KIF21A: variants seen among roughly 807,000 people sequenced by gnomAD.
KIF21A encodes kinesin-like protein KIF21A.
Under a neutral mutation model 202.9 loss-of-function variants are expected in KIF21A, and 114 were observed. That is an observed-to-expected ratio of 0.56 (90% CI 0.48 to 0.66). The LOEUF is 0.66. KIF21A is among the 30% of genes least tolerant of loss of function. The pLI is 0.00. For missense variants in KIF21A, 1,677 were observed against 1,994.9 expected (o/e 0.84, Z 3.04); for synonymous variants, 667 against 670.8 (o/e 0.99, Z 0.09).
At chr12:39,423,551 T>TA (rs59669052) in intron 1 of KIF21A, among the ~76,000 whole-genome samples, 8,358 of 145,864 alleles carry the variant, frequency 0.057, 357 homozygotes, top group African/African-American at 0.12. Context: ...TCATTTTTGT[T>TA]AAAAAAAAAA....
Position 39,442,077 on chromosome 12 carries a change from A to T in KIF21A, c.44+850T>A, listed in dbSNP as rs183635145. 5.8e-4 allele frequency among the ~76,000 whole-genome samples: 89 copies of T among 152,314 alleles called. No homozygotes were observed. The highest frequency in any genetic ancestry group is 2.1e-3 in the African/African-American group (87 of 41,572). On this transcript the variant is annotated intron_variant, in intron 1 of 37. Coordinates refer to ENST00000361418, the MANE Select transcript of KIF21A (RefSeq NM_001173464.2). This position sits in a 1 kb window ranked among gnomAD's most constrained non-coding sequence, Gnocchi z 5.0. ...TATCAAAACAGCCGAAATTACATCG[A>T]ATACTCGTGCCTGTCATTGGCCGAA...
At chr12:39,425,904 T>TA (rs1566327944) in intron 1 of KIF21A, among the ~76,000 whole-genome samples, 1 of 115,350 alleles carries the variant, frequency 8.7e-6, no homozygotes, top group Non-Finnish European at 1.8e-5. Flanking sequence ...CTCTGAAAGA[T>TA]ACATCTAACA....
chr12:39,412,824 A>G (rs1231432814), intron 1 of KIF21A, among the ~76,000 whole-genome samples: 1 of 152,226 alleles, frequency 6.6e-6, no homozygotes, highest in Admixed American at 6.5e-5. Flanking sequence ...CCTGAGTCCC[A>G]CGTCAAGCCC....
intron 1 of KIF21A, among the ~76,000 whole-genome samples, chr12:39,436,450 T>TATATATATATATATATATATA (rs1424166622): frequency 1.3e-3 from 78 of 60,752 alleles, no homozygotes; most frequent in East Asian, 3.8e-3. Flanking sequence ...ATATATATAT[T>TATATATATATATATATATATA]TTTTTTTTTT....
In KIF21A at chr12:39,311,437, A is replaced by G. The variant is rs1445476814; in HGVS notation, c.4076T>C (p.Leu1359Pro). 6.2e-7 allele frequency: 1 copy of G among 1,612,962 alleles called. No homozygotes were observed. Among genetic ancestry groups the G allele is most frequent in the Non-Finnish European group, 8.5e-7 (1 of 1,179,180 alleles). The change falls in exon 32 of 38, where the codon CTC (leucine) becomes CCC (proline). Residue 1359 changes from leucine to proline, a missense_variant. Leu to Pro is a moderately conservative substitution (Grantham distance 98). This residue lies in a region of KIF21A where 705 missense variants were observed against 791.9 expected (regional missense o/e 0.89). Coordinates refer to ENST00000361418, the MANE Select transcript of KIF21A (RefSeq NM_001173464.2). ...AVLCVDSTDD[L>P]LFTGSKDRTC... The stretch of plus-strand genomic sequence containing the variant: ...AGCACCTTTTGATCCAGTGAAGAGG[A>G]GATCATCAGTAGAATCCACACAGAG...
Position 39,439,671 on chromosome 12 carries a change from C to T in KIF21A, c.44+3256G>A, listed in dbSNP as rs141308290. 8.4e-3 allele frequency among the ~76,000 whole-genome samples: 1,280 copies of T among 152,216 alleles called. 19 individuals are homozygous for T. The highest frequency in any genetic ancestry group is 0.029 in the African/African-American group (1,204 of 41,544). On this transcript the variant is annotated intron_variant, in intron 1 of 37. Transcript: ENST00000361418. ...TTCCTCATTAGCATTAATCATAATT[C>T]AAGCGCTTAATAGCCACATGGGGTT...
Position 39,309,731 on chromosome 12 carries a change from G to T in KIF21A, c.4132C>A (p.Gln1378Lys). ...TGACCCCCCAGTGACATTATTTCCT[G>T]CCCAGTCACCAGATTCCATACTTTA... is the stretch of plus-strand genomic sequence containing the variant. ...TCKVWNLVTG[Q>K]EIMSLGGHPN... Residue 1378 changes from glutamine to lysine, a missense_variant, in exon 33 of 38, where the codon CAG becomes AAG. This residue lies in a region of KIF21A where 705 missense variants were observed against 791.9 expected (regional missense o/e 0.89). Coordinates refer to ENST00000361418, the MANE Select transcript of KIF21A (RefSeq NM_001173464.2). 6.2e-7 allele frequency: 1 copy of T among 1,613,140 alleles called. No homozygotes were observed.
At chr12:39,325,939 T>G (rs2137901383) in intron 25 of KIF21A, 46 bp from the exon 26 acceptor site, 5 of 1,505,614 alleles carry the variant, frequency 3.3e-6, no homozygotes, top group Non-Finnish European at 4.6e-6. Flanking sequence ...TAGAAAATTA[T>G]TATAGAAAAC....
At chr12:39,393,656 T>TA (rs1436026607) in intron 1 of KIF21A, among the ~76,000 whole-genome samples, 1 of 152,214 alleles carries the variant, frequency 6.6e-6, no homozygotes, top group Non-Finnish European at 1.5e-5. Context: ...TAGTCAGTAT[T>TA]AAACTAACTG....
intron 1 of KIF21A, among the ~76,000 whole-genome samples, chr12:39,375,561 C>T (rs1950217991): frequency 1.3e-5 from 2 of 152,114 alleles, no homozygotes; most frequent in Admixed American, 1.3e-4. Flanking sequence ...CAATGCCCAC[C>T]TGCTTGCACA....
intron 1 of KIF21A, among the ~76,000 whole-genome samples, chr12:39,382,020 T>C (rs939161262): frequency 6.6e-6 from 1 of 152,218 alleles, no homozygotes; most frequent in African/African-American, 2.4e-5. Flanking sequence ...CTCAGTCATA[T>C]AAGCACAAGA....
At chr12:39,356,683 T>C in intron 10 of KIF21A, 149 bp downstream of exon 10, 2 of 528,474 alleles carry the variant, frequency 3.8e-6, no homozygotes, top group East Asian at 3.2e-5. Context: ...GAAAGGTAAG[T>C]AAAGAATCTC....
At position 39,370,222 on chromosome 12, in the gene KIF21A, G is replaced by A. The variant is rs864321718; in HGVS notation, c.84C>T (p.Cys28=). The change falls in exon 2 of 38, where the codon TGC becomes TGT. Residue 28 remains cysteine (C), a synonymous_variant. Coordinates refer to ENST00000361418, the MANE Select transcript of KIF21A (RefSeq NM_001173464.2). The part of the protein sequence containing the change: ...PQLAKEKIEG[C]HICTSVTPGE... ...CTGGTGTGACAGATGTACAAATATG[G>A]CATCCTTCAATCTTCTCTTTGGCAA... 3 of 1,613,026 alleles carry A rather than the reference G, an allele frequency of 1.9e-6. No individual in the cohort carries two copies. The Admixed American group carries it at 5.0e-5, about 27-fold the overall frequency.
intron 27 of KIF21A, chr12:39,322,414 T>C: frequency 3.0e-6 from 1 of 336,818 alleles, no homozygotes; most frequent in Non-Finnish European, 5.3e-6. Context: ...AAGTCAGCCT[T>C]TATAAAAATT....
At chr12:39,429,406 T>G (rs1025461603) in intron 1 of KIF21A, among the ~76,000 whole-genome samples, 1 of 152,222 alleles carries the variant, frequency 6.6e-6, no homozygotes, top group African/African-American at 2.4e-5. Context: ...CTTTGACTGG[T>G]AATATCAAGG....
intron 16 of KIF21A, among the ~76,000 whole-genome samples, chr12:39,337,783 G>A (rs914274955): frequency 6.6e-6 from 1 of 152,116 alleles, no homozygotes; most frequent in African/African-American, 2.4e-5. Flanking sequence ...GATTATAGTG[G>A]AGCTAAAAAA....
chr12:39,339,679 CA>C (rs938116407), intron 16 of KIF21A, among the ~76,000 whole-genome samples: 4 of 152,030 alleles, frequency 2.6e-5, no homozygotes, highest in African/African-American at 9.7e-5. Flanking sequence ...TCTCTTTGGA[CA>C]GGGGAAGAAA....
rs773061753 is a variant in KIF21A, at chr12:39,442,887, A to ACCCGCCG, written c.44+33_44+39dup. 3.0e-4 allele frequency: 463 copies of ACCCGCCG among 1,521,642 alleles called. 1 individual carries two copies. The highest frequency in any genetic ancestry group is 1.8e-3 in the Middle Eastern group (8 of 4,528). The allele number at this position is 1,521,642 out of a possible 1,614,324, so 94.3% of individuals were successfully genotyped here. A position where few individuals can be genotyped will look rare whatever the true frequency, so the allele number is the denominator to read the frequency against. On this transcript the variant is annotated intron_variant, in intron 1 of 37. Coordinates refer to ENST00000361418, the MANE Select transcript of KIF21A (RefSeq NM_001173464.2). This position sits in a 1 kb window ranked among gnomAD's most constrained non-coding sequence, Gnocchi z 5.0. ...CAGCCAGGTCCTTGCCGCGCCCTCAACCCGCCGCCCGCCGCCCGCCGCCGG... is the reference window on the plus strand; with the variant it reads ...CAGCCAGGTCCTTGCCGCGCCCTCAACCCGCCGCCCGCCGCCCGCCGCCCGCCGCCGG...
intron 12 of KIF21A, among the ~76,000 whole-genome samples, chr12:39,342,630 A>G (rs1947539564): frequency 6.6e-6 from 1 of 152,216 alleles, no homozygotes; most frequent in African/African-American, 2.4e-5. Context: ...TATATCCATC[A>G]GTATTTTCAG....
Sources: gnomAD v4.1 joint callset for allele counts (sites outside exome capture counted in the v4.1 genomes callset) on GRCh38, gnomAD v4.1.1 for gene constraint, gnomAD v4.1.1 regional missense constraint, Gnocchi (gnomAD v3.1) non-coding constraint, MANE v1.5 for transcripts, NCBI Gene and HGNC (gene_info 2026-07-23, HGNC 2026-07-21) for gene names.